The following UBR3 variants were observed in gnomAD, a reference collection of about 807,000 sequenced individuals.
UBR3 encodes E3 ubiquitin-protein ligase UBR3.
Under a neutral mutation model 243.2 loss-of-function variants are expected in UBR3, and 85 were observed. The ratio of observed to expected loss-of-function variants is 0.35; its 90% CI spans 0.29 to 0.42. The LOEUF (loss-of-function observed/expected upper bound fraction) is 0.42. UBR3 is among the 10% of genes least tolerant of loss of function. The pLI is 1.00. For synonymous variants in UBR3, 748 were observed against 799.8 expected (o/e 0.94, Z 1.09); for missense variants, 1,686 against 2,300.8 (o/e 0.73, Z 5.47).
chr2:170,061,246 C>A, intron 34 of UBR3, 60 bp downstream of exon 34: 1 of 1,579,872 alleles, frequency 6.3e-7, no homozygotes, highest in Non-Finnish European at 8.6e-7. Flanking sequence ...CATTTTCTTG[C>A]CATTATGAAT....
chr2:170,061,363 C>T lies in UBR3; in HGVS notation c.4939C>T (p.Gln1647Ter). 1 of 1,614,152 alleles carries T rather than the reference C, an allele frequency of 6.2e-7. No individual in the cohort carries two copies. The highest frequency in any genetic ancestry group is 8.5e-7 in the Non-Finnish European group (1 of 1,179,998). Residue 1647 changes from glutamine to a stop codon, truncating the protein, a stop_gained, in exon 35 of 39, where the codon CAG (glutamine) becomes TAG (stop). Coordinates refer to ENST00000272793, the MANE Select transcript of UBR3 (RefSeq NM_172070.4). LOFTEE classifies it high-confidence loss of function. Reference protein sequence around the residue: ...WSPESMEKCLQDFCLPFLRIT... With the variant: ...WSPESMEKCL ...TCCTGAATCCATGGAAAAATGCTTA[C>T]AGGACTTCTGCTTACCTTTTCTCAG...
intron 30 of UBR3, among the ~76,000 whole-genome samples, chr2:170,022,598 G>A (rs183540705): frequency 6.6e-6 from 1 of 152,270 alleles, no homozygotes; most frequent in African/African-American, 2.4e-5. Context: ...TTGTGGAAGT[G>A]AGGATGATGG....
chr2:170,070,368 A>G (rs182504769), intron 35 of UBR3, among the ~76,000 whole-genome samples: 251 of 152,302 alleles, frequency 1.6e-3, no homozygotes, highest in African/African-American at 5.7e-3. Context: ...ATAAAAGAGC[A>G]TATCAAAAAC....
intron 35 of UBR3, among the ~76,000 whole-genome samples, chr2:170,061,813 T>C (rs947656479): frequency 2.0e-5 from 3 of 152,202 alleles, no homozygotes; most frequent in Admixed American, 2.0e-4. Flanking sequence ...TATACTGGTA[T>C]GTAGTGTAGT....
intron 30 of UBR3, among the ~76,000 whole-genome samples, chr2:170,027,951 G>T (rs563757801): frequency 6.6e-6 from 1 of 151,864 alleles, no homozygotes; most frequent in South Asian, 2.1e-4. Context: ...AATATTACCC[G>T]CCTAGTAGAA....
chr2:169,868,801 C>T (rs936180487), intron 1 of UBR3, among the ~76,000 whole-genome samples: 8 of 152,208 alleles, frequency 5.3e-5, no homozygotes, highest in Non-Finnish European at 8.8e-5. Flanking sequence ...AAGGAATTTC[C>T]TTTTTGAAAG....
intron 1 of UBR3, among the ~76,000 whole-genome samples, chr2:169,839,629 A>T (rs2082226732): frequency 6.6e-6 from 1 of 152,236 alleles, no homozygotes; most frequent in Admixed American, 6.5e-5. Flanking sequence ...TATTACATGT[A>T]CTCAGAAACT....
chr2:170,008,206 T>C (rs2089981399), intron 28 of UBR3, among the ~76,000 whole-genome samples: 1 of 152,162 alleles, frequency 6.6e-6, no homozygotes, highest in Non-Finnish European at 1.5e-5. Context: ...TCATTATAGA[T>C]TTGTGATATG....
intron 24 of UBR3, among the ~76,000 whole-genome samples, chr2:169,958,904 C>G (rs1422984570): frequency 6.6e-6 from 1 of 152,128 alleles, no homozygotes. Flanking sequence ...TTTCTGGTAT[C>G]CCTTCATTAT....
At chr2:170,013,213 A>T (rs1176854982) in intron 29 of UBR3, among the ~76,000 whole-genome samples, 2 of 152,164 alleles carry the variant, frequency 1.3e-5, no homozygotes, top group Non-Finnish European at 2.9e-5. Flanking sequence ...CATGGGACAT[A>T]TGACCCATTT....
chr2:169,868,680 A>G (rs1487172032), intron 1 of UBR3, among the ~76,000 whole-genome samples: 2 of 152,226 alleles, frequency 1.3e-5, no homozygotes, highest in African/African-American at 2.4e-5. Flanking sequence ...AATAATTCCT[A>G]TATCATCAAA....
At chr2:169,913,673 A>G (rs181684355) in intron 10 of UBR3, among the ~76,000 whole-genome samples, 1 of 152,252 alleles carries the variant, frequency 6.6e-6, no homozygotes, top group Admixed American at 6.5e-5. Context: ...GAGTTGTACA[A>G]CTGTCGCTAC....
rs906700088 is a variant in UBR3, at chr2:169,871,567, G to C, written c.546-669G>C. ...GAGACCAGCCTGGCCAACCAACATG[G>C]TGAAACCTCGTTTCTACTAAAAATA... On this transcript the variant is annotated intron_variant, in intron 1 of 38. Coordinates refer to ENST00000272793, the MANE Select transcript of UBR3 (RefSeq NM_172070.4). Among the ~76,000 whole-genome samples the C allele has an allele frequency of 6.2e-4, 94 of 151,796 alleles. 2 individuals are homozygous for C. The highest frequency in any genetic ancestry group is 2.9e-5 in the Non-Finnish European group (2 of 67,934).
rs1414012851 is a variant in UBR3, at chr2:169,949,741, C to T, written c.3221C>T (p.Ser1074Leu). 1 of 1,551,618 alleles carries T rather than the reference C, an allele frequency of 6.4e-7. No homozygotes were observed. Among genetic ancestry groups the T allele is most frequent in the African/African-American group, 1.4e-5 (1 of 73,130 alleles). ...TCAAGTAAATGGTCTGCTCCTGGTT[C>T]AGCTCCACAGTTAACTACAGCCATT... ...KTSSKWSAPG[S>L]APQLTTAILE... Residue 1074 changes from serine to leucine, a missense_variant, in exon 23 of 39, where the codon TCA (serine) becomes TTA (leucine). Ser to Leu is a moderately radical substitution (Grantham distance 145, BLOSUM62 -2). This residue lies in a region of UBR3 where 300 missense variants were observed against 314.4 expected (regional missense o/e 0.95). Coordinates refer to ENST00000272793, the MANE Select transcript of UBR3 (RefSeq NM_172070.4).
At chr2:170,034,026 T>C (rs964877625) in intron 31 of UBR3, among the ~76,000 whole-genome samples, 1 of 151,688 alleles carries the variant, frequency 6.6e-6, no homozygotes, top group Non-Finnish European at 1.5e-5. Flanking sequence ...TGTTTTTTTT[T>C]TTAGAGCAAT....
chr2:169,980,538 T>C (rs2088673681), intron 24 of UBR3, among the ~76,000 whole-genome samples: 1 of 152,142 alleles, frequency 6.6e-6, no homozygotes, highest in Non-Finnish European at 1.5e-5. Flanking sequence ...CCCTTGTTTA[T>C]TTGTTCGTTC....
chr2:169,846,895 G>C (rs1241348140), intron 1 of UBR3, among the ~76,000 whole-genome samples: 1 of 152,100 alleles, frequency 6.6e-6, no homozygotes, highest in Non-Finnish European at 1.5e-5. Flanking sequence ...ACCACACCCA[G>C]TGAAATTTTT....
intron 3 of UBR3, among the ~76,000 whole-genome samples, chr2:169,876,884 G>A (rs73024492): frequency 0.044 from 6,627 of 152,010 alleles, 165 homozygotes; most frequent in Middle Eastern, 0.068. Context: ...TTCTTTAAAC[G>A]CAAGGCTGAG....
At chr2:169,879,768 T>A (rs2083752096) in intron 5 of UBR3, among the ~76,000 whole-genome samples, 1 of 152,198 alleles carries the variant, frequency 6.6e-6, no homozygotes, top group Admixed American at 6.5e-5. Context: ...ATAGAGTAAT[T>A]TAAAAAACTT....
Sources: gnomAD v4.1 joint callset for allele counts (sites outside exome capture counted in the v4.1 genomes callset) on GRCh38, gnomAD v4.1.1 for gene constraint, gnomAD v4.1.1 regional missense constraint, MANE v1.5 for transcripts, NCBI Gene and HGNC (gene_info 2026-07-23, HGNC 2026-07-21) for gene names.